Variants in JHY observed in about 807,000 individuals in gnomAD.
The protein encoded by JHY is junctional cadherin complex regulator.
A neutral mutation model predicts 78.0 loss-of-function variants in JHY; 69 were observed. The observed-to-expected ratio is 0.88, with a 90% confidence interval of 0.73 to 1.08. JHY has a LOEUF of 1.08. Ranked by LOEUF, JHY falls within the 50% of genes least tolerant of loss-of-function variation. JHY has a pLI of 0.00. For missense variants in JHY, 944 were observed against 927.8 expected, an observed-to-expected ratio of 1.02 and a Z score of -0.23; for synonymous variants, 368 against 342.6, an observed-to-expected ratio of 1.07 and a Z score of -0.82.
At chr11:122,904,807 T>A (rs962687066) in intron 3 of JHY, among the ~76,000 whole-genome samples, 1 of 152,236 alleles carries the variant, frequency 6.6e-6, no homozygotes, top group African/African-American at 2.4e-5. Flanking sequence ...AACTGTGTTT[T>A]CCAAATGATA....
intron 2 of JHY, among the ~76,000 whole-genome samples, chr11:122,891,782 A>G (rs569685863): frequency 6.6e-6 from 1 of 152,134 alleles, no homozygotes; most frequent in Admixed American, 6.6e-5. Context: ...CTGTATAGGT[A>G]TACGTAATTA....
intron 2 of JHY, among the ~76,000 whole-genome samples, chr11:122,888,130 A>G (rs1862535559): frequency 6.6e-6 from 1 of 152,128 alleles, no homozygotes. Flanking sequence ...AAAAGTGATA[A>G]GAGTTGTCAC....
intron 2 of JHY, 66 bp from the exon 3 acceptor site, chr11:122,903,859 C>T: frequency 1.3e-6 from 2 of 1,495,642 alleles, no homozygotes; most frequent in Non-Finnish European, 1.8e-6. Context: ...ATAAAATGTT[C>T]AACTGACTAT....
In JHY at chr11:122,962,542, A is replaced by G. The variant is rs929250963; in HGVS notation, c.*3097A>G. 1.6e-4 allele frequency among the ~76,000 whole-genome samples: 24 copies of G among 152,222 alleles called. No homozygotes were observed. Among genetic ancestry groups the G allele is most frequent in the Non-Finnish European group, 2.2e-4 (15 of 68,026 alleles). ...CCAAAACTACTCCTAAAATGTATTT[A>G]TAAGAGAAGAGGCCCTTCTAGGTGC... On this transcript the variant is annotated 3_prime_UTR_variant, in exon 9 of 9. Transcript: ENST00000227349.
At chr11:122,916,935 G>A (rs568616105) in intron 3 of JHY, among the ~76,000 whole-genome samples, 15 of 152,096 alleles carry the variant, frequency 9.9e-5, no homozygotes, top group South Asian at 2.1e-4. Context: ...GGCCATAATC[G>A]CTAGGTTTTT....
At chr11:122,906,079 C>A (rs180944409) in intron 3 of JHY, among the ~76,000 whole-genome samples, 3 of 152,144 alleles carry the variant, frequency 2.0e-5, no homozygotes. Context: ...AGTATTTTTA[C>A]CCAATTTTAG....
intron 5 of JHY, among the ~76,000 whole-genome samples, chr11:122,940,379 A>C (rs1483680025): frequency 6.6e-6 from 1 of 152,048 alleles, no homozygotes; most frequent in Non-Finnish European, 1.5e-5. Flanking sequence ...TCCAATGCTC[A>C]CTTTTCATTG....
intron 2 of JHY, among the ~76,000 whole-genome samples, chr11:122,888,897 GT>G (rs1188916442): frequency 6.6e-6 from 1 of 152,180 alleles, no homozygotes; most frequent in Non-Finnish European, 1.5e-5. Flanking sequence ...CTAAGACATG[GT>G]CTTGGTTGAA....
chr11:122,896,530 T>C (rs1405113225), intron 2 of JHY, among the ~76,000 whole-genome samples: 1 of 152,140 alleles, frequency 6.6e-6, no homozygotes. Context: ...GGTTTGGCCA[T>C]TCTCCACCGT....
At chr11:122,919,376 A>AAG (rs60848354) in intron 3 of JHY, among the ~76,000 whole-genome samples, 6,343 of 135,136 alleles carry the variant, frequency 0.047, 270 homozygotes, top group East Asian at 0.099. Context: ...AAAAAAAAAA[A>AAG]GAAGTGAAGG....
intron 8 of JHY, 65 bp downstream of exon 8, chr11:122,957,556 C>CTT (rs374289526): frequency 2.1e-4 from 203 of 981,250 alleles, no homozygotes; most frequent in Middle Eastern, 3.8e-4. Flanking sequence ...TTTATTATCG[C>CTT]TTTTTTTTTT....
chr11:122,922,742 G>A (rs531237652), intron 3 of JHY, among the ~76,000 whole-genome samples: 55 of 149,850 alleles, frequency 3.7e-4, no homozygotes, highest in African/African-American at 1.3e-3. Flanking sequence ...CCCGGGAGGC[G>A]GAGCTTGCAG....
At chr11:122,889,921 A>G (rs1307155762) in intron 2 of JHY, among the ~76,000 whole-genome samples, 1 of 151,690 alleles carries the variant, frequency 6.6e-6, no homozygotes, top group Non-Finnish European at 1.5e-5. Context: ...AACTTTTTCT[A>G]CTTTTAGTAG....
In JHY at chr11:122,925,981, C is replaced by T. The variant is rs559247407; in HGVS notation, c.978+971C>T. Among the ~76,000 whole-genome samples, 48 of 151,044 alleles carry T rather than the reference C, an allele frequency of 3.2e-4. No homozygotes were observed. In the South Asian group the frequency reaches 9.0e-3, roughly 28 times the overall value. ...GCAGTGAGCCAAGATCATGCCACTGCGTTCCAGCCTGGGTGACAGAGCAAG... is the reference window on the plus strand; with the variant it reads ...GCAGTGAGCCAAGATCATGCCACTGTGTTCCAGCCTGGGTGACAGAGCAAG... On this transcript the variant is annotated intron_variant, in intron 4 of 8. Transcript: ENST00000227349.
intron 5 of JHY, among the ~76,000 whole-genome samples, chr11:122,937,182 A>G (rs1438709703): frequency 2.6e-5 from 4 of 151,542 alleles, no homozygotes; most frequent in Non-Finnish European, 5.9e-5. Context: ...TGTAGTATTT[A>G]AATAACTTTA....
At chr11:122,956,684 A>C in intron 7 of JHY, 108 bp downstream of exon 7, 1 of 825,702 alleles carries the variant, frequency 1.2e-6, no homozygotes, top group Non-Finnish European at 1.9e-6. Context: ...CAAATGTCTC[A>C]CTCTGAATAG....
At chr11:122,885,622 T>C (rs529274950) in intron 1 of JHY, 139 bp from the exon 2 acceptor site, 6 of 477,534 alleles carry the variant, frequency 1.3e-5, no homozygotes, top group Middle Eastern at 5.5e-4. Flanking sequence ...AATAGACCTT[T>C]CTTATACACA....
chr11:122,905,475 T>G, intron 3 of JHY: 1 of 1,234,512 alleles, frequency 8.1e-7, no homozygotes, highest in Admixed American at 4.1e-5. Context: ...TTTAACATAT[T>G]CTAACCTGTT....
chr11:122,916,301 T>C (rs1398829965), intron 3 of JHY, among the ~76,000 whole-genome samples: 1 of 152,154 alleles, frequency 6.6e-6, no homozygotes, highest in Non-Finnish European at 1.5e-5. Context: ...CCCATAAATA[T>C]GTACAAACAT....
Sources: gnomAD v4.1 joint callset for allele counts (sites outside exome capture counted in the v4.1 genomes callset) on GRCh38, gnomAD v4.1.1 for gene constraint, MANE v1.5 for transcripts, NCBI Gene and HGNC (gene_info 2026-07-23, HGNC 2026-07-21) for gene names.